The following PRKN variants were observed in gnomAD, a reference collection of about 807,000 sequenced individuals.
PRKN encodes the protein E3 ubiquitin-protein ligase parkin.
PRKN carries 56 observed loss-of-function variants against 59.5 expected under a neutral mutation model. That is an observed-to-expected ratio of 0.94 (90% confidence interval 0.76 to 1.18). The LOEUF (loss-of-function observed/expected upper bound fraction) is 1.18, where lower values mean the gene tolerates loss of function less well. Ranked by LOEUF, PRKN falls within the 50% of genes most tolerant of loss-of-function variation. PRKN has a pLI of 0.00. For synonymous variants in PRKN, 250 were observed against 222.1 expected, an observed-to-expected ratio of 1.13 and a Z score of -1.12; for missense variants, 657 against 596.4, an observed-to-expected ratio of 1.10 and a Z score of -1.06.
intron 9 of PRKN, among the ~76,000 whole-genome samples, chr6:161,524,434 C>A (rs1432357045): frequency 6.6e-6 from 1 of 152,170 alleles, no homozygotes; most frequent in Non-Finnish European, 1.5e-5. Context: ...TAGTCTCGAA[C>A]TCCTGGGCTC....
At chr6:161,596,877 T>C (rs1201732464) in intron 7 of PRKN, among the ~76,000 whole-genome samples, 1 of 152,216 alleles carries the variant, frequency 6.6e-6, no homozygotes, top group Non-Finnish European at 1.5e-5. Context: ...GCCTTCCATG[T>C]CTCGGCAGCA....
At chr6:162,272,233 T>G (rs1780426235) in intron 2 of PRKN, among the ~76,000 whole-genome samples, 1 of 152,168 alleles carries the variant, frequency 6.6e-6, no homozygotes, top group Admixed American at 6.5e-5. Context: ...GGGATTTCAC[T>G]TCTCTGGGTT....
At position 161,445,222 on chromosome 6, in the gene PRKN, T is replaced by C. The variant is rs117323196; in HGVS notation, c.1084-58345A>G. On this transcript the variant is annotated intron_variant, in intron 9 of 11. Coordinates refer to ENST00000366898, the MANE Select transcript of PRKN (RefSeq NM_004562.3). This position sits in a 1 kb window ranked among gnomAD's most constrained non-coding sequence, Gnocchi z 7.7. ...GGAACGGGGAGAGGGGGCTCAACTT[T>C]CTGACGGCCACTTAGAGGCTGCCTG... Among the ~76,000 whole-genome samples, 1,634 of 152,238 alleles carry C rather than the reference T, an allele frequency of 0.011. 40 individuals are homozygous for C. Among genetic ancestry groups the C allele is most frequent in the East Asian group, 0.11 (553 of 5,162 alleles).
At chr6:162,656,595 A>C (rs1778650159) in intron 1 of PRKN, among the ~76,000 whole-genome samples, 1 of 152,208 alleles carries the variant, frequency 6.6e-6, no homozygotes, top group South Asian at 2.1e-4. Flanking sequence ...TAGCACATGA[A>C]TGCAAGTCTG....
At chr6:161,486,425 G>T (rs2115258031) in intron 9 of PRKN, among the ~76,000 whole-genome samples, 1 of 152,246 alleles carries the variant, frequency 6.6e-6, no homozygotes, top group Non-Finnish European at 1.5e-5. Context: ...CAGATTTCAT[G>T]CATAGAACCA....
chr6:161,504,614 G>A (rs1388233935), intron 9 of PRKN, among the ~76,000 whole-genome samples: 1 of 151,598 alleles, frequency 6.6e-6, no homozygotes, highest in African/African-American at 2.4e-5. Context: ...ATGCTGGTGC[G>A]CTGCACCCAC....
In PRKN at chr6:161,405,077, C is replaced by T. The variant is rs562233038; in HGVS notation, c.1084-18200G>A. On this transcript the variant is annotated intron_variant, in intron 9 of 11. Coordinates refer to ENST00000366898, the MANE Select transcript of PRKN (RefSeq NM_004562.3). This position sits in a 1 kb window ranked among gnomAD's most constrained non-coding sequence, Gnocchi z 5.1. ...ATAACATTGCTTCCCACCTTCTCCT[C>T]CAGCTCTGACTCTTTAAACTGAATG... Among the ~76,000 whole-genome samples, 459 of 152,262 alleles carry T rather than the reference C, an allele frequency of 3.0e-3. 1 individual carries two copies. The highest frequency in any genetic ancestry group is 0.011 in the African/African-American group (443 of 41,528).
intron 1 of PRKN, among the ~76,000 whole-genome samples, chr6:162,478,568 G>A (rs915575602): frequency 6.6e-6 from 1 of 152,186 alleles, no homozygotes; most frequent in African/African-American, 2.4e-5. Flanking sequence ...GACCTCCTGA[G>A]TAACCAACCG....
intron 7 of PRKN, among the ~76,000 whole-genome samples, chr6:161,695,734 G>T (rs936867783): frequency 1.3e-5 from 2 of 152,124 alleles, no homozygotes; most frequent in African/African-American, 4.8e-5. Flanking sequence ...GACAGGGTGA[G>T]GATTAATGGG....
chr6:161,461,020 G>A lies in PRKN; in HGVS notation c.1084-74143C>T, dbSNP rs1790190509. Among the ~76,000 whole-genome samples the A allele has an allele frequency of 6.6e-6, 1 of 151,844 alleles. No homozygotes were observed. The highest frequency in any genetic ancestry group is 2.1e-4 in the South Asian group (1 of 4,808). On this transcript the variant is annotated intron_variant, in intron 9 of 11. Transcript: ENST00000366898. This position sits in a 1 kb window ranked among gnomAD's most constrained non-coding sequence, Gnocchi z 5.1. ...GATCTGCCTGCCTTGGCTTCCCAAA[G>A]TACTGGGACTACAGGTGTGAGCCAC...
intron 4 of PRKN, among the ~76,000 whole-genome samples, chr6:162,086,289 G>A (rs1364210260): frequency 6.6e-6 from 1 of 152,136 alleles, no homozygotes; most frequent in Non-Finnish European, 1.5e-5. Context: ...CTGAGTGCAT[G>A]AGTGGACTCT....
chr6:161,408,222 A>G (rs986179209), intron 9 of PRKN, among the ~76,000 whole-genome samples: 5 of 152,032 alleles, frequency 3.3e-5, no homozygotes, highest in Non-Finnish European at 5.9e-5. Context: ...ACATTTACAT[A>G]AGTCATGGCA....
At chr6:161,636,874 C>T (rs190476078) in intron 7 of PRKN, among the ~76,000 whole-genome samples, 4 of 152,238 alleles carry the variant, frequency 2.6e-5, no homozygotes, top group Admixed American at 6.5e-5. Flanking sequence ...ACCGGCCGCA[C>T]GTCAACAGCT....
At chr6:161,862,580 A>G (rs1793946204) in intron 6 of PRKN, among the ~76,000 whole-genome samples, 1 of 152,246 alleles carries the variant, frequency 6.6e-6, no homozygotes, top group Middle Eastern at 3.4e-3. Flanking sequence ...GAGCTCCCCT[A>G]CTGTGACCCC....
At chr6:161,639,088 C>A (rs185557763) in intron 7 of PRKN, among the ~76,000 whole-genome samples, 1 of 152,246 alleles carries the variant, frequency 6.6e-6, no homozygotes, top group South Asian at 2.1e-4. Context: ...TCCTTGCTGC[C>A]GCCATGTGAA....
intron 3 of PRKN, among the ~76,000 whole-genome samples, chr6:162,245,499 A>G: frequency 6.6e-6 from 1 of 151,754 alleles, no homozygotes; most frequent in East Asian, 1.9e-4. Context: ...TATCTAATAT[A>G]ATATCTAATA....
chr6:162,529,855 C>T (rs34194390), intron 1 of PRKN, among the ~76,000 whole-genome samples: 13,364 of 152,214 alleles, frequency 0.088, 739 homozygotes, highest in South Asian at 0.18. Flanking sequence ...TTAAGCTGGG[C>T]GTGGTGGCTC....
At chr6:161,982,391 T>C (rs1236294235) in intron 5 of PRKN, among the ~76,000 whole-genome samples, 2 of 113,282 alleles carry the variant, frequency 1.8e-5, no homozygotes, top group Admixed American at 9.4e-5. Flanking sequence ...CTTCACAGAA[T>C]TGGAAAAAAC....
intron 1 of PRKN, among the ~76,000 whole-genome samples, chr6:162,545,205 T>C (rs1779071752): frequency 6.6e-6 from 1 of 151,930 alleles, no homozygotes; most frequent in Non-Finnish European, 1.5e-5. Flanking sequence ...GGAAAATCAC[T>C]TGAACCCAGG....
Sources: gnomAD v4.1 joint callset for allele counts (sites outside exome capture counted in the v4.1 genomes callset) on GRCh38, gnomAD v4.1.1 for gene constraint, Gnocchi (gnomAD v3.1) non-coding constraint, MANE v1.5 for transcripts, NCBI Gene and HGNC (gene_info 2026-07-23, HGNC 2026-07-21) for gene names.